Variants in RABL6 observed in about 807,000 individuals in gnomAD.
RABL6 encodes rab-like protein 6.
RABL6 carries 28 observed loss-of-function variants against 72.9 expected under a neutral mutation model. That is an observed-to-expected ratio of 0.38 (90% CI 0.28 to 0.53). The LOEUF (loss-of-function observed/expected upper bound fraction) is 0.53. RABL6 is among the 20% of genes least tolerant of loss of function. The pLI is 0.80. For synonymous variants in RABL6, 477 were observed against 421.2 expected, an observed-to-expected ratio of 1.13 and a Z score of -1.62; for missense variants, 1,029 against 1,008.4, an observed-to-expected ratio of 1.02 and a Z score of -0.28.
chr9:136,817,140 C>T (rs558534190), intron 1 of RABL6, among the ~76,000 whole-genome samples: 1 of 150,928 alleles, frequency 6.6e-6, no homozygotes, highest in Admixed American at 6.6e-5. Flanking sequence ...AATCAGTCAG[C>T]AGCAGGAGAA....
rs1734395836 is a variant in RABL6 at position 136,840,367 on chromosome 9, AAGGACAAGGAGG to A, written c.2039_2050del (p.Asp680_Glu683del). 1.9e-6 allele frequency: 3 copies of A among 1,557,100 alleles called. No homozygotes were observed. Among genetic ancestry groups the A allele is most frequent in the African/African-American group, 2.7e-5 (2 of 73,322 alleles). On this transcript the variant is annotated inframe_deletion, in exon 15 of 15. Coordinates refer to ENST00000311502, the MANE Select transcript of RABL6 (RefSeq NM_024718.5). ...GAAGAAGAGCAAACACAAGAAGAGCAAGGACAAGGAGGAGGGCAAGGAGGAGCGGCGACGGCG... is the reference window on the plus strand; with the variant it reads ...GAAGAAGAGCAAACACAAGAAGAGCAAGGGCAAGGAGGAGCGGCGACGGCG...
At chr9:136,823,933 G>A (rs559933524) in intron 2 of RABL6, among the ~76,000 whole-genome samples, 2 of 152,366 alleles carry the variant, frequency 1.3e-5, no homozygotes, top group African/African-American at 4.8e-5. Flanking sequence ...GCGCCTCGGG[G>A]GCTGAAAAGA....
intron 1 of RABL6, among the ~76,000 whole-genome samples, chr9:136,822,943 C>T (rs1848272456): frequency 6.6e-6 from 1 of 152,134 alleles, no homozygotes; most frequent in Admixed American, 6.5e-5. Flanking sequence ...AAAAAATTAG[C>T]TGGACATGGT....
intron 1 of RABL6, chr9:136,815,309 G>A (rs1465071069): frequency 3.6e-6 from 1 of 281,450 alleles, no homozygotes; most frequent in Non-Finnish European, 7.2e-6. Flanking sequence ...CTTTCTTGGT[G>A]GGTGTGGCAC....
chr9:136,839,574 G>T, intron 12 of RABL6, 88 bp downstream of exon 12: 3 of 1,552,466 alleles, frequency 1.9e-6, no homozygotes, highest in Non-Finnish European at 2.6e-6. Context: ...GTGGGAGGAG[G>T]CTTCTGGAAG....
intron 7 of RABL6, chr9:136,834,560 C>T (rs1340302160): frequency 3.9e-6 from 3 of 775,312 alleles, no homozygotes; most frequent in Non-Finnish European, 4.7e-6. Context: ...CTCACTGTAA[C>T]CTCTGCCTCC....
chr9:136,836,585 G>GCCCCAGAATGGAGC (rs1002050916), intron 8 of RABL6: 5 of 153,342 alleles, frequency 3.3e-5, no homozygotes, highest in Non-Finnish European at 5.8e-5. Context: ...TGCCAGGCCA[G>GCCCCAGAATGGAGC]CCCCAGAATG....
chr9:136,821,020 A>G (rs1417893148), intron 1 of RABL6, among the ~76,000 whole-genome samples: 2 of 152,114 alleles, frequency 1.3e-5, no homozygotes, highest in South Asian at 4.1e-4. Flanking sequence ...TGTGACCCCA[A>G]CTCTCCGACG....
rs1175159305 is a variant in RABL6 at position 136,839,300 on chromosome 9, C to T, written c.1572C>T (p.Val524=). ...CAGCACCCCCCTGGCCAGGCGGTGT[C>T]TCTGTTCGCACAGGTCCGGAGAAGC... ...RTAAPPWPGG[V]SVRTGPEKRS... Residue 524 remains valine (V), a synonymous_variant, in exon 12 of 15, where the codon GTC becomes GTT. Transcript: ENST00000311502. 6.2e-7 allele frequency: 1 copy of T among 1,611,928 alleles called. No homozygotes were observed. Among genetic ancestry groups the T allele is most frequent in the East Asian group, 2.2e-5 (1 of 44,856 alleles).
intron 2 of RABL6, among the ~76,000 whole-genome samples, chr9:136,824,523 G>A (rs945344138): frequency 6.6e-6 from 1 of 151,820 alleles, no homozygotes; most frequent in Admixed American, 6.6e-5. Flanking sequence ...TAGAGACGGG[G>A]TTTCACCATC....
Position 136,831,855 on chromosome 9 carries a change from T to C in RABL6, c.593T>C (p.Leu198Pro), listed in dbSNP as rs1328058536. ...PDDVRDFIDN[L>P]DRPPGSSYFR... ...GACGTGCGTGACTTCATCGACAACC[T>C]GGACAGGTGGGTGCGGTGGCCCTGC... The change falls in exon 6 of 15, where the codon CTG (leucine) becomes CCG (proline). Residue 198 changes from leucine (L) to proline (P), a missense_variant. By Grantham distance (98) the Leu-to-Pro change is moderately conservative. Coordinates refer to ENST00000311502, the MANE Select transcript of RABL6 (RefSeq NM_024718.5). 1 of 1,610,172 alleles carries C rather than the reference T, an allele frequency of 6.2e-7. No individual in the cohort carries two copies. Among genetic ancestry groups the C allele is most frequent in the Non-Finnish European group, 8.5e-7 (1 of 1,178,084 alleles).
In RABL6 at chr9:136,808,060, G is replaced by T; in HGVS notation, c.-137G>T. On this transcript the variant is annotated 5_prime_UTR_variant, in exon 1 of 15. Transcript: ENST00000311502. ...CCGCTCGGGGCTGCGCTCCGCCGCC[G>T]GGACCCCGGCCTCTGGCCGCGCCGG... 1 of 1,114,460 alleles carries T rather than the reference G, an allele frequency of 9.0e-7. No individual in the cohort carries two copies. The highest frequency in any genetic ancestry group is 1.1e-6 in the Non-Finnish European group (1 of 907,644). The allele number at this position is 1,114,460 out of a possible 1,614,324, so 69.0% of individuals were successfully genotyped here.
rs1199140348 is a variant in RABL6 at position 136,835,780 on chromosome 9, G to A, written c.744G>A (p.Leu248=). 3 of 1,552,424 alleles carry A rather than the reference G, an allele frequency of 1.9e-6. No individual in the cohort carries two copies. The highest frequency in any genetic ancestry group is 4.9e-5 in the East Asian group (2 of 41,124). ...TGCGGCAGCTGGAGACGAACCAGCTGGACATGGACGCCACGCTGGAGGAGC... is the reference window on the plus strand; with the variant it reads ...TGCGGCAGCTGGAGACGAACCAGCTAGACATGGACGCCACGCTGGAGGAGC... The part of the protein sequence containing the change: ...TLLRQLETNQ[L]DMDATLEELS... The change falls in exon 8 of 15, where the codon CTG becomes CTA. Residue 248 remains leucine, a synonymous_variant. Coordinates refer to ENST00000311502, the MANE Select transcript of RABL6 (RefSeq NM_024718.5).
chr9:136,831,470 G>C (rs893740631), intron 5 of RABL6, among the ~76,000 whole-genome samples: 1 of 152,166 alleles, frequency 6.6e-6, no homozygotes, highest in Non-Finnish European at 1.5e-5. Context: ...AGGCAGGGGC[G>C]TTCCAGTGTG....
chr9:136,818,384 AAAAAAAAAAAAAAAAAAAAAC>A (rs1564360838), intron 1 of RABL6, among the ~76,000 whole-genome samples: 17 of 123,750 alleles, frequency 1.4e-4, no homozygotes, highest in African/African-American at 2.9e-4. Context: ...AAAAAAAAAA[AAAAAAAAAAAAAAAAAAAAAC>A]CAAAGGTAAG....
rs542683965 is a variant in RABL6, at chr9:136,826,211, G to A, written c.313+385G>A. ...CCATAGCTGAGGACCCAGCTCCTGCGCTCCTGTCCCTGCCAGGGATCCCCA... is the reference window on the plus strand; with the variant it reads ...CCATAGCTGAGGACCCAGCTCCTGCACTCCTGTCCCTGCCAGGGATCCCCA... On this transcript the variant is annotated intron_variant, in intron 3 of 14. Transcript: ENST00000311502. The surrounding 1 kb of genome is among the most constrained non-coding windows in gnomAD (Gnocchi z 4.9). Among the ~76,000 whole-genome samples the A allele has an allele frequency of 1.3e-5, 2 of 152,172 alleles. No individual in the cohort carries two copies. Among genetic ancestry groups the A allele is most frequent in the Non-Finnish European group, 2.9e-5 (2 of 68,016 alleles).
intron 8 of RABL6, 63 bp downstream of exon 8, chr9:136,835,908 G>C: frequency 1.4e-6 from 2 of 1,423,058 alleles, no homozygotes; most frequent in Non-Finnish European, 1.9e-6. Context: ...GTGGTGCAGG[G>C]CCATGGGCTG....
intron 5 of RABL6, among the ~76,000 whole-genome samples, chr9:136,829,849 C>G (rs1848435018): frequency 6.6e-6 from 1 of 152,216 alleles, no homozygotes; most frequent in Non-Finnish European, 1.5e-5. Context: ...CTAGGAGGAC[C>G]CACAGCCAAG....
chr9:136,835,682 G>A (rs1285163653), intron 7 of RABL6, 60 bp from the exon 8 acceptor site: 1 of 1,464,950 alleles, frequency 6.8e-7, no homozygotes, highest in Non-Finnish European at 9.3e-7. Context: ...GGGGCTGTGG[G>A]GCTGGGGCAC....
Sources: allele counts gnomAD v4.1 joint callset (sites outside exome capture counted in the v4.1 genomes callset), GRCh38; gene constraint gnomAD v4.1.1; non-coding constraint Gnocchi (gnomAD v3.1); transcripts MANE v1.5; gene names NCBI Gene and HGNC (gene_info 2026-07-23, HGNC 2026-07-21).